CAB39L: variants seen among roughly 807,000 people sequenced by gnomAD.
The protein encoded by CAB39L is calcium binding protein 39 like.
Under a neutral mutation model 39.1 loss-of-function variants are expected in CAB39L, and 23 were observed. That is an observed-to-expected ratio of 0.59 (90% CI 0.42 to 0.83). The LOEUF is 0.83. Ranked by LOEUF, CAB39L falls within the 40% of genes least tolerant of loss-of-function variation. The probability of loss-of-function intolerance (pLI) is 0.00; values close to 1 mark genes in which losing one functional copy is unlikely to be tolerated. For missense variants in CAB39L, 366 were observed against 391.9 expected, an observed-to-expected ratio of 0.93 and a Z score of 0.56; for synonymous variants, 126 against 137.2, an observed-to-expected ratio of 0.92 and a Z score of 0.57.
chr13:49,405,294 GA>G (rs1254212420), intron 3 of CAB39L, among the ~76,000 whole-genome samples: 1 of 151,836 alleles, frequency 6.6e-6, no homozygotes, highest in East Asian at 1.9e-4. Context: ...AGGTCTGAAA[GA>G]AAAAAACCTT....
In CAB39L at chr13:49,308,770, C is replaced by T. The variant is rs1194755086; in HGVS notation, c.*2044G>A. 6.6e-6 allele frequency: 1 copy of T among 152,460 alleles called. No individual in the cohort carries two copies. The highest frequency in any genetic ancestry group is 2.4e-5 in the African/African-American group (1 of 41,392). The allele number at this position is 152,460 out of a possible 1,614,324, so 9.4% of individuals were successfully genotyped here. Reference sequence around the variant, plus strand: ...ACAGTGAACTTTGTGCAAACAAATCCCCCTTTGTGCAAAGGGGGAGCTTCC... The same window carrying T: ...ACAGTGAACTTTGTGCAAACAAATCTCCCTTTGTGCAAAGGGGGAGCTTCC... On this transcript the variant is annotated 3_prime_UTR_variant, in exon 11 of 11. Coordinates refer to ENST00000409308, the MANE Select transcript of CAB39L (RefSeq NM_001079670.3).
chr13:49,378,207 A>G (rs1364616286), intron 4 of CAB39L, among the ~76,000 whole-genome samples: 2 of 82,122 alleles, frequency 2.4e-5, no homozygotes, highest in African/African-American at 1.5e-4. Flanking sequence ...CAGCCACCCC[A>G]TCTGGGAAGT....
At chr13:49,381,922 A>AT (rs1173543025) in intron 4 of CAB39L, among the ~76,000 whole-genome samples, 3 of 152,210 alleles carry the variant, frequency 2.0e-5, no homozygotes, top group Admixed American at 1.3e-4. Context: ...TATTTCACAG[A>AT]TAATAAACTG....
chr13:49,341,011 C>T (rs552279970), intron 8 of CAB39L, among the ~76,000 whole-genome samples: 1 of 152,270 alleles, frequency 6.6e-6, no homozygotes, highest in South Asian at 2.1e-4. Context: ...ATGTATTATA[C>T]CTGAACACAA....
chr13:49,327,093 A>C (rs1178126767), intron 10 of CAB39L, among the ~76,000 whole-genome samples: 1 of 152,144 alleles, frequency 6.6e-6, no homozygotes, highest in East Asian at 1.9e-4. Context: ...CAAGAGTAAC[A>C]TATCAGACTT....
chr13:49,356,285 A>G lies in CAB39L; in HGVS notation c.395+3429T>C, dbSNP rs7981162. Among the ~76,000 whole-genome samples, 667 of 152,300 alleles carry G rather than the reference A, an allele frequency of 4.4e-3. 6 individuals carry two copies. Among genetic ancestry groups the G allele is most frequent in the African/African-American group, 0.015 (637 of 41,578 alleles). ...TAAAATTTTTTATAATAAACTTAAA[A>G]AAACAGGATAATTGGGAGAAATTTA... On this transcript the variant is annotated intron_variant, in intron 6 of 10. Transcript: ENST00000409308.
At chr13:49,374,151 G>A (rs1244852016) in intron 5 of CAB39L, among the ~76,000 whole-genome samples, 2 of 152,116 alleles carry the variant, frequency 1.3e-5, no homozygotes, top group Admixed American at 1.3e-4. Flanking sequence ...CATCTATGGA[G>A]TATCACATTC....
rs1426735128 is a variant in CAB39L at position 49,330,409 on chromosome 13, G to C, written c.834+1538C>G. 2.0e-5 allele frequency among the ~76,000 whole-genome samples: 3 copies of C among 152,232 alleles called. No homozygotes were observed. The South Asian group carries it at 6.2e-4, about 32-fold the overall frequency. On this transcript the variant is annotated intron_variant, in intron 10 of 10. Coordinates refer to ENST00000409308, the MANE Select transcript of CAB39L (RefSeq NM_001079670.3). Reference sequence around the variant, plus strand: ...AGAGGCTGAGGCAGGAAGATCACTTGAGCCTAAGATTTTGAGACCAGCCTG... The same window carrying C: ...AGAGGCTGAGGCAGGAAGATCACTTCAGCCTAAGATTTTGAGACCAGCCTG...
chr13:49,337,740 A>G lies in CAB39L; in HGVS notation c.690+1937T>C, dbSNP rs1030067650. Reference sequence around the variant, plus strand: ...CGTCTAGCTGCTCTGGCGCACACACACACACACACACACACACACACACAC... The same window carrying G: ...CGTCTAGCTGCTCTGGCGCACACACGCACACACACACACACACACACACAC... On this transcript the variant is annotated intron_variant, in intron 9 of 10. Coordinates refer to ENST00000409308, the MANE Select transcript of CAB39L (RefSeq NM_001079670.3). 4.0e-3 allele frequency among the ~76,000 whole-genome samples: 391 copies of G among 98,632 alleles called. 2 individuals carry two copies. The highest frequency in any genetic ancestry group is 0.014 in the African/African-American group (309 of 22,694). 64.7% of individuals were successfully genotyped at this position (98,632 alleles called of 152,430 possible). A position where few individuals can be genotyped will look rare whatever the true frequency, so the allele number is the denominator to read the frequency against.
Position 49,426,517 on chromosome 13 carries a change from C to T in CAB39L, c.-32+6801G>A, listed in dbSNP as rs557542678. On this transcript the variant is annotated intron_variant, in intron 3 of 10. Coordinates refer to ENST00000409308, the MANE Select transcript of CAB39L (RefSeq NM_001079670.3). ...TCTCAGCTCACTGCAAGCTCCGCCT[C>T]CCGGGTTCAAGCCATTCTCCTGCCT... Among the ~76,000 whole-genome samples the T allele has an allele frequency of 3.3e-5, 5 of 152,268 alleles. No individual in the cohort carries two copies. In the East Asian group the frequency reaches 7.7e-4, roughly 23 times the overall value.
At chr13:49,441,221 G>GTGTATGTATATATATATATATATA (rs1024957572) in intron 1 of CAB39L, among the ~76,000 whole-genome samples, 1 of 121,444 alleles carries the variant, frequency 8.2e-6, no homozygotes, top group African/African-American at 3.7e-5. Context: ...ATGATTTAGT[G>GTGTATGTATATATATATATATATA]TATATATATA....
In CAB39L at chr13:49,329,543, AAATATATATATATAT is replaced by A. The variant is rs1221470027; in HGVS notation, c.834+2389_834+2403del. ...TACATATCTCTTCAATTAAAAAAAAAAATATATATATATATATATATATATATATATATATATATA... is the reference window on the plus strand; with the variant it reads ...TACATATCTCTTCAATTAAAAAAAAAATATATATATATATATATATATATA... On this transcript the variant is annotated intron_variant, in intron 10 of 10. Coordinates refer to ENST00000409308, the MANE Select transcript of CAB39L (RefSeq NM_001079670.3). Among the ~76,000 whole-genome samples, 71 of 33,416 alleles carry A rather than the reference AAATATATATATATAT, an allele frequency of 2.1e-3. 4 individuals are homozygous for A. The highest frequency in any genetic ancestry group is 4.9e-3 in the South Asian group (4 of 824). The allele number at this position is 33,416 out of a possible 152,430, so 21.9% of individuals were successfully genotyped here. A position where few individuals can be genotyped will look rare whatever the true frequency, so the allele number is the denominator to read the frequency against.
intron 7 of CAB39L, among the ~76,000 whole-genome samples, chr13:49,348,102 G>A (rs1955234249): frequency 1.3e-5 from 2 of 152,092 alleles, no homozygotes; most frequent in Non-Finnish European, 2.9e-5. Flanking sequence ...GTGGACACCC[G>A]AGCAGGCTGC....
At chr13:49,419,943 T>C (rs562201976) in intron 3 of CAB39L, among the ~76,000 whole-genome samples, 5 of 152,268 alleles carry the variant, frequency 3.3e-5, no homozygotes, top group African/African-American at 1.2e-4. Context: ...GTCAAAAGAA[T>C]CAATAAACAG....
chr13:49,333,141 T>G (rs1297015718), intron 9 of CAB39L, among the ~76,000 whole-genome samples: 1 of 152,144 alleles, frequency 6.6e-6, no homozygotes, highest in Non-Finnish European at 1.5e-5. Flanking sequence ...GAGGTTATTT[T>G]AATGCATGAA....
intron 10 of CAB39L, among the ~76,000 whole-genome samples, chr13:49,320,490 A>C (rs914880915): frequency 6.6e-6 from 1 of 152,190 alleles, no homozygotes; most frequent in African/African-American, 2.4e-5. Context: ...TGCACTCTCC[A>C]TTTTAAAACT....
intron 1 of CAB39L, among the ~76,000 whole-genome samples, chr13:49,443,336 A>G (rs1331754234): frequency 1.8e-5 from 1 of 55,038 alleles, no homozygotes; most frequent in Non-Finnish European, 3.0e-5. Flanking sequence ...AGCTTAAAAT[A>G]AAGAAAAAAA....
At chr13:49,437,257 G>A (rs1005244005) in intron 1 of CAB39L, among the ~76,000 whole-genome samples, 1 of 152,092 alleles carries the variant, frequency 6.6e-6, no homozygotes, top group Non-Finnish European at 1.5e-5. Flanking sequence ...CTAATAAAGT[G>A]TTTTTTTGTT....
intron 3 of CAB39L, among the ~76,000 whole-genome samples, chr13:49,397,821 A>G (rs2138644324): frequency 6.6e-6 from 1 of 152,232 alleles, no homozygotes; most frequent in South Asian, 2.1e-4. Context: ...ACTATCATTA[A>G]AGCATTAGAT....
Sources: allele counts gnomAD v4.1 joint callset (sites outside exome capture counted in the v4.1 genomes callset), GRCh38; gene constraint gnomAD v4.1.1; transcripts MANE v1.5; gene names NCBI Gene and HGNC (gene_info 2026-07-23, HGNC 2026-07-21).